SENP2: variants seen among roughly 807,000 people sequenced by gnomAD.
SENP2 encodes the protein sentrin-specific protease 2.
SENP2 carries 16 observed loss-of-function variants against 86.3 expected under a neutral mutation model. The ratio of observed to expected loss-of-function variants is 0.19; its 90% CI spans 0.13 to 0.28. SENP2 has a LOEUF of 0.28. SENP2 is among the 10% of genes least tolerant of loss of function. The pLI is 1.00. For synonymous variants in SENP2, 222 were observed against 238.7 expected (o/e 0.93, Z 0.64); for missense variants, 552 against 703.0 (o/e 0.79, Z 2.43).
At chr3:185,606,291 C>T in intron 5 of SENP2, 39 bp from the exon 6 acceptor site, 1 of 1,550,560 alleles carries the variant, frequency 6.4e-7, no homozygotes, top group Non-Finnish European at 8.7e-7. Flanking sequence ...ATTTAAGCAG[C>T]TTGGTGATAC....
At chr3:185,587,570 A>ATTTTTTTTTTTTTTTTTTTTT (rs398052522) in intron 1 of SENP2, among the ~76,000 whole-genome samples, 1,253 of 118,594 alleles carry the variant, frequency 0.011, 154 homozygotes, top group South Asian at 0.053. Context: ...TCAAGTGTTA[A>ATTTTTTTTTTTTTTTTTTTTT]TTTTTTTTTT....
chr3:185,602,621 TA>T (rs1722380234), intron 5 of SENP2, among the ~76,000 whole-genome samples: 1 of 151,848 alleles, frequency 6.6e-6, no homozygotes, highest in African/African-American at 2.4e-5. Context: ...CCAAAACTAG[TA>T]AATACAAGTT....
At chr3:185,591,106 C>A (rs986119299) in intron 2 of SENP2, among the ~76,000 whole-genome samples, 4 of 150,666 alleles carry the variant, frequency 2.7e-5, no homozygotes, top group African/African-American at 9.7e-5. Flanking sequence ...GGGGTTTCAC[C>A]GTGTTAGCCA....
At chr3:185,609,623 T>C (rs1722621648) in intron 7 of SENP2, among the ~76,000 whole-genome samples, 1 of 152,062 alleles carries the variant, frequency 6.6e-6, no homozygotes, top group South Asian at 2.1e-4. Flanking sequence ...GAAGTAGGGC[T>C]CCCAAGAGGC....
chr3:185,629,351 C>G (rs115016032), intron 16 of SENP2, among the ~76,000 whole-genome samples: 2 of 151,912 alleles, frequency 1.3e-5, no homozygotes, highest in Non-Finnish European at 2.9e-5. Flanking sequence ...CTGAGGCGGG[C>G]GGATCACCTG....
intron 14 of SENP2, among the ~76,000 whole-genome samples, chr3:185,622,565 GGTT>G (rs1711938424): frequency 1.3e-5 from 2 of 151,958 alleles, no homozygotes; most frequent in Non-Finnish European, 2.9e-5. Context: ...TTTTATTTAT[GGTT>G]GTTTATCTTG....
At position 185,595,536 on chromosome 3, in the gene SENP2, A is replaced by T. The variant is rs113537724; in HGVS notation, c.158-2876A>T. Among the ~76,000 whole-genome samples the T allele has an allele frequency of 2.7e-3, 404 of 152,312 alleles. 3 individuals are homozygous for T. Among genetic ancestry groups the T allele is most frequent in the East Asian group, 4.0e-3 (21 of 5,188 alleles). On this transcript the variant is annotated intron_variant, in intron 2 of 16. Transcript: ENST00000296257. Reference sequence around the variant, plus strand: ...TTATTCCCCTATGTTTCTGGAAAGTAGTTTACATGTTCTGGAGCACTGCTT... The same window carrying T: ...TTATTCCCCTATGTTTCTGGAAAGTTGTTTACATGTTCTGGAGCACTGCTT...
intron 4 of SENP2, among the ~76,000 whole-genome samples, chr3:185,600,195 C>T (rs1722299588): frequency 1.3e-5 from 2 of 152,034 alleles, no homozygotes; most frequent in Admixed American, 6.6e-5. Flanking sequence ...AATTGTTTAC[C>T]GTTAAGATTG....
chr3:185,619,398 T>C lies in SENP2; in HGVS notation c.1342T>C (p.Ser448Pro), dbSNP rs1247414365. The C allele has an allele frequency of 6.2e-7, 1 of 1,613,904 alleles. No individual in the cohort carries two copies. Among genetic ancestry groups the C allele is most frequent in the Non-Finnish European group, 8.5e-7 (1 of 1,179,926 alleles). ...TACTTTCTTCTATCCTAAATTAAAG[T>C]CTGGGGGTTACCAAGCAGTGAAACG... ...FSTFFYPKLK[S>P]GGYQAVKRWT... The change falls in exon 13 of 17, where the codon TCT becomes CCT. Residue 448 changes from serine (S) to proline (P), a missense_variant. Ser to Pro is a moderately conservative substitution (Grantham distance 74, BLOSUM62 -1). This residue lies in a region of SENP2 where 169 missense variants were observed against 275.7 expected (regional missense o/e 0.61). Coordinates refer to ENST00000296257, the MANE Select transcript of SENP2 (RefSeq NM_021627.3).
intron 13 of SENP2, among the ~76,000 whole-genome samples, chr3:185,620,692 C>T (rs960260095): frequency 2.6e-5 from 4 of 151,532 alleles, no homozygotes; most frequent in Admixed American, 6.6e-5. Flanking sequence ...GATCCGCCAC[C>T]TCAGCCTCCC....
At chr3:185,615,984 T>C (rs1664366343) in intron 11 of SENP2, among the ~76,000 whole-genome samples, 2 of 151,870 alleles carry the variant, frequency 1.3e-5, no homozygotes, top group African/African-American at 4.8e-5. Context: ...TGCCTCAGCC[T>C]CCTGCGTAGC....
chr3:185,625,401 G>A (rs1017340716), intron 15 of SENP2, among the ~76,000 whole-genome samples: 5 of 152,130 alleles, frequency 3.3e-5, no homozygotes, highest in South Asian at 4.1e-4. Context: ...GTGAGCCACC[G>A]TACCCGGCCA....
At chr3:185,623,535 A>G (rs540050803) in intron 14 of SENP2, among the ~76,000 whole-genome samples, 1 of 152,282 alleles carries the variant, frequency 6.6e-6, no homozygotes, top group African/African-American at 2.4e-5. Flanking sequence ...TACAATTTTT[A>G]TAAGCAGACC....
chr3:185,615,434 C>A (rs1711565121), intron 11 of SENP2, among the ~76,000 whole-genome samples: 2 of 152,154 alleles, frequency 1.3e-5, no homozygotes, highest in Admixed American at 6.5e-5. Flanking sequence ...ACCTCTGCAT[C>A]CTGGGTTCAA....
intron 6 of SENP2, chr3:185,606,739 C>A: frequency 1.9e-6 from 1 of 533,718 alleles, no homozygotes; most frequent in East Asian, 3.4e-5. Context: ...TGAGATTGTC[C>A]AGATCACATT....
At chr3:185,623,259 A>G (rs987073477) in intron 14 of SENP2, among the ~76,000 whole-genome samples, 1 of 151,778 alleles carries the variant, frequency 6.6e-6, no homozygotes, top group Admixed American at 6.6e-5. Flanking sequence ...CTCCTGCCTC[A>G]GCTCCCAAGT....
rs766556308 is a variant in SENP2, at chr3:185,632,224, G to GTTTTTTTTTT, written c.*2383_*2392dup. 2.5e-4 allele frequency: 18 copies of GTTTTTTTTTT among 71,898 alleles called. No individual in the cohort carries two copies. The highest frequency in any genetic ancestry group is 4.5e-4 in the African/African-American group (8 of 17,968). The allele number at this position is 71,898 out of a possible 1,614,324, so 4.5% of individuals were successfully genotyped here. A position where few individuals can be genotyped will look rare whatever the true frequency, so the allele number is the denominator to read the frequency against. On this transcript the variant is annotated 3_prime_UTR_variant, in exon 17 of 17. Transcript: ENST00000296257. The stretch of plus-strand genomic sequence containing the variant: ...CATTAAAGCCAGTGGTTTTTTTTTT[G>GTTTTTTTTTT]TTTTTTTTTTTTGTTTTTTTTTTTT...
At chr3:185,628,584 G>A (rs1389265052) in intron 16 of SENP2, among the ~76,000 whole-genome samples, 1 of 152,190 alleles carries the variant, frequency 6.6e-6, no homozygotes, top group East Asian at 1.9e-4. Context: ...TCAGCTCACT[G>A]CAACCTCCGC....
intron 6 of SENP2, chr3:185,606,977 TC>T (rs1256504336): frequency 4.0e-6 from 1 of 248,744 alleles, no homozygotes; most frequent in African/African-American, 2.5e-5. Context: ...GTTATATATT[TC>T]TTTTTTCCTT....
Sources: gnomAD v4.1 joint callset for allele counts (sites outside exome capture counted in the v4.1 genomes callset) on GRCh38, gnomAD v4.1.1 for gene constraint, gnomAD v4.1.1 regional missense constraint, MANE v1.5 for transcripts, NCBI Gene and HGNC (gene_info 2026-07-23, HGNC 2026-07-21) for gene names.